HSPBP1: variants seen among roughly 807,000 people sequenced by gnomAD.
HSPBP1 encodes the protein HSPA (Hsp70) binding protein 1.
A neutral mutation model predicts 41.7 loss-of-function variants in HSPBP1; 31 were observed. That is an observed-to-expected ratio of 0.74 (90% CI 0.56 to 1.00). The LOEUF is 1.00. Ranked by LOEUF, HSPBP1 falls within the 50% of genes least tolerant of loss-of-function variation. The probability of loss-of-function intolerance (pLI) is 0.00; values close to 1 mark genes in which losing one functional copy is unlikely to be tolerated. For missense variants in HSPBP1, 439 were observed against 487.9 expected (o/e 0.90, Z 0.94); for synonymous variants, 199 against 214.4 (o/e 0.93, Z 0.63).
intron 2 of HSPBP1, 116 bp from the exon 3 acceptor site, chr19:55,277,962 A>C: frequency 2.3e-6 from 2 of 885,740 alleles, no homozygotes; most frequent in Non-Finnish European, 3.3e-6. Context: ...GTCAACAAAT[A>C]TCGGCTGGGA....
rs1308201338 is a variant in HSPBP1 at position 55,279,446 on chromosome 19, C to T, written c.163G>A (p.Ala55Thr). Residue 55 changes from alanine to threonine, a missense_variant, in exon 2 of 8, where the codon GCG becomes ACG. Physicochemically the swap from Ala to Thr is moderately conservative, Grantham distance 58 (BLOSUM62 0). Transcript: ENST00000433386. Reference sequence around the variant, plus strand: ...GGAGGGTCTGGCTCTTCAGAGCCCGCGGTGATGGCCATCTGCAGCAAGCCT... The same window carrying T: ...GGAGGGTCTGGCTCTTCAGAGCCCGTGGTGATGGCCATCTGCAGCAAGCCT... The part of the protein sequence containing the change: ...LQGLLQMAIT[A>T]GSEEPDPPPE... 1 of 1,604,910 alleles carries T rather than the reference C, an allele frequency of 6.2e-7. No homozygotes were observed. The highest frequency in any genetic ancestry group is 2.2e-5 in the East Asian group (1 of 44,818).
In HSPBP1 at chr19:55,270,323, C is replaced by T. The variant is rs574354558; in HGVS notation, c.641-4037G>A. ...CAGCAAAACTCTGCTAGCCCCGGGG[C>T]GAGCCATGGTGGAAGCCCATCTCTA... On this transcript the variant is annotated intron_variant, in intron 4 of 7. Transcript: ENST00000433386. The surrounding 1 kb of genome is among the most constrained non-coding windows in gnomAD (Gnocchi z 5.4). Among the ~76,000 whole-genome samples, 3 of 152,144 alleles carry T rather than the reference C, an allele frequency of 2.0e-5. No homozygotes were observed. The highest frequency in any genetic ancestry group is 2.9e-5 in the Non-Finnish European group (2 of 68,026).
intron 4 of HSPBP1, among the ~76,000 whole-genome samples, chr19:55,269,957 C>T (rs1234179958): frequency 1.3e-5 from 2 of 152,100 alleles, no homozygotes; most frequent in East Asian, 1.9e-4. Context: ...CCACAGAGGG[C>T]GAGCGAGTCC....
chr19:55,279,876 TG>T lies in HSPBP1; in HGVS notation c.-95+158del, dbSNP rs1330527263. ...AGCAACAGGCCCCACCCACTCTCCC[TG>T]GCAACAACCCCCCTTCCCCATCTCC... On this transcript the variant is annotated intron_variant, in intron 1 of 7. Transcript: ENST00000433386. 1.2e-5 allele frequency: 8 copies of T among 648,010 alleles called. 1 individual carries two copies. Among genetic ancestry groups the T allele is most frequent in the Non-Finnish European group, 2.1e-5 (8 of 384,114 alleles). The allele number at this position is 648,010 out of a possible 1,614,324, so 40.1% of individuals were successfully genotyped here. A position where few individuals can be genotyped will look rare whatever the true frequency, so the allele number is the denominator to read the frequency against.
At chr19:55,263,593 A>T (rs533700567) in intron 7 of HSPBP1, among the ~76,000 whole-genome samples, 2 of 152,346 alleles carry the variant, frequency 1.3e-5, no homozygotes, top group South Asian at 4.1e-4. Flanking sequence ...TCCATGCTAC[A>T]AAAAAGAGCC....
Position 55,268,814 on chromosome 19 carries a change from A to G in HSPBP1, c.641-2528T>C, listed in dbSNP as rs1030811567. 6.6e-6 allele frequency among the ~76,000 whole-genome samples: 1 copy of G among 152,114 alleles called. No individual in the cohort carries two copies. The highest frequency in any genetic ancestry group is 2.4e-5 in the African/African-American group (1 of 41,396). ...CTACCGAGTAGCCGAGATTACAGGC[A>G]TGCCCCACCATGCCTGGCTAATTTT... On this transcript the variant is annotated intron_variant, in intron 4 of 7. Transcript: ENST00000433386. This position sits in a 1 kb window ranked among gnomAD's most constrained non-coding sequence, Gnocchi z 4.5.
intron 3 of HSPBP1, among the ~76,000 whole-genome samples, chr19:55,276,747 T>C (rs1020949863): frequency 2.0e-5 from 3 of 151,676 alleles, no homozygotes; most frequent in Non-Finnish European, 4.4e-5. Context: ...AAAGGTAAGC[T>C]AGAGGGTGGC....
In HSPBP1 at chr19:55,279,413, G is replaced by A. The variant is rs1414483833; in HGVS notation, c.196C>T (p.Pro66Ser). ...CCATCCTTTACCTCCTCACTCATCG[G>A]TTCTGGAGGAGGGTCTGGCTCTTCA... ...GSEEPDPPPEPMSEERRQWLQ... is the reference protein window; with the variant it reads ...GSEEPDPPPESMSEERRQWLQ... The change falls in exon 2 of 8, where the codon CCG becomes TCG. Residue 66 changes from proline to serine, a missense_variant. Pro to Ser is a moderately conservative substitution (Grantham distance 74). Transcript: ENST00000433386. 1.3e-6 allele frequency: 2 copies of A among 1,597,290 alleles called. No homozygotes were observed. Among genetic ancestry groups the A allele is most frequent in the Non-Finnish European group, 1.7e-6 (2 of 1,175,958 alleles).
chr19:55,278,661 C>G (rs564170739), intron 2 of HSPBP1, among the ~76,000 whole-genome samples: 1 of 152,192 alleles, frequency 6.6e-6, no homozygotes, highest in East Asian at 1.9e-4. Flanking sequence ...CATCTGTAAT[C>G]TCAGCACTTT....
At chr19:55,263,599 G>A (rs1352316202) in intron 7 of HSPBP1, among the ~76,000 whole-genome samples, 1 of 152,204 alleles carries the variant, frequency 6.6e-6, no homozygotes, top group Non-Finnish European at 1.5e-5. Flanking sequence ...CTACAAAAAA[G>A]AGCCCATCCG....
chr19:55,265,453 T>G, intron 6 of HSPBP1, 64 bp from the exon 7 acceptor site: 1 of 1,235,160 alleles, frequency 8.1e-7, no homozygotes, highest in Non-Finnish European at 1.2e-6. Flanking sequence ...CCCAACCCTA[T>G]CGCCCGCCCC....
chr19:55,273,588 A>C (rs773122463), intron 4 of HSPBP1, among the ~76,000 whole-genome samples: 14 of 152,104 alleles, frequency 9.2e-5, no homozygotes, highest in Non-Finnish European at 2.1e-4. Context: ...ACTGCCCCAC[A>C]GATGTTGGTT....
In HSPBP1 at chr19:55,268,387, G is replaced by A. The variant is rs1448590056; in HGVS notation, c.641-2101C>T. On this transcript the variant is annotated intron_variant, in intron 4 of 7. Coordinates refer to ENST00000433386, the MANE Select transcript of HSPBP1 (RefSeq NM_012267.5). This position sits in a 1 kb window ranked among gnomAD's most constrained non-coding sequence, Gnocchi z 4.5. ...GGAGGTTGCAGTGAGCCGAGATTGCGCCATTACACTCCAGCCTGAGCAAAA... is the reference window on the plus strand; with the variant it reads ...GGAGGTTGCAGTGAGCCGAGATTGCACCATTACACTCCAGCCTGAGCAAAA... 6.6e-6 allele frequency among the ~76,000 whole-genome samples: 1 copy of A among 152,186 alleles called. No homozygotes were observed. Among genetic ancestry groups the A allele is most frequent in the South Asian group, 2.1e-4 (1 of 4,822 alleles).
Position 55,262,320 on chromosome 19 carries a change from G to A in HSPBP1, c.*288C>T. 5.6e-6 allele frequency: 7 copies of A among 1,242,322 alleles called. No homozygotes were observed. Among genetic ancestry groups the A allele is most frequent in the Non-Finnish European group, 7.1e-6 (7 of 979,488 alleles). The allele number at this position is 1,242,322 out of a possible 1,614,324, so 77.0% of individuals were successfully genotyped here. On this transcript the variant is annotated 3_prime_UTR_variant, in exon 8 of 8. Coordinates refer to ENST00000433386, the MANE Select transcript of HSPBP1 (RefSeq NM_012267.5). ...CCCGTCCCCCATGCACCCTCCAAAG[G>A]AGATGACAAAGGCGGCAGTGAAGGA...
chr19:55,263,188 A>G (rs954771596), intron 7 of HSPBP1, among the ~76,000 whole-genome samples: 7 of 152,256 alleles, frequency 4.6e-5, no homozygotes, highest in African/African-American at 1.7e-4. Context: ...CAATAAATAG[A>G]TAAGTGGGCA....
rs1270341389 is a variant in HSPBP1 at position 55,268,440 on chromosome 19, CAAAAAG to C, written c.641-2160_641-2155del. On this transcript the variant is annotated intron_variant, in intron 4 of 7. Coordinates refer to ENST00000433386, the MANE Select transcript of HSPBP1 (RefSeq NM_012267.5). The surrounding 1 kb of genome is among the most constrained non-coding windows in gnomAD (Gnocchi z 4.5). Reference sequence around the variant, plus strand: ...AGCGAAACTCCATCTCACACACACACAAAAAGAAAACCAAAAAAAGAAAAACACACA... The same window carrying C: ...AGCGAAACTCCATCTCACACACACACAAAACCAAAAAAAGAAAAACACACA... 6.6e-6 allele frequency among the ~76,000 whole-genome samples: 1 copy of C among 151,976 alleles called. No individual in the cohort carries two copies. Among genetic ancestry groups the C allele is most frequent in the Admixed American group, 6.6e-5 (1 of 15,238 alleles).
Position 55,277,790 on chromosome 19 carries a change from C to G in HSPBP1, c.267G>C (p.Glu89Asp), listed in dbSNP as rs1349099207. ...GGAGGCAGCTCTTCATCTGCTCCAC[C>G]TCCTCCCGCTGGCCTCGGAAGGCAG... is the stretch of plus-strand genomic sequence containing the variant. Reference protein sequence around the residue: ...MSAAFRGQREEVEQMKSCLRV... With the variant: ...MSAAFRGQREDVEQMKSCLRV... The change falls in exon 3 of 8, where the codon GAG (glutamate) becomes GAC (aspartate). Residue 89 changes from glutamate to aspartate, a missense_variant. Physicochemically the swap from Glu to Asp is conservative, Grantham distance 45. Coordinates refer to ENST00000433386, the MANE Select transcript of HSPBP1 (RefSeq NM_012267.5). The G allele has an allele frequency of 3.8e-6, 6 of 1,599,284 alleles. No individual in the cohort carries two copies. Among genetic ancestry groups the G allele is most frequent in the Non-Finnish European group, 5.1e-6 (6 of 1,171,136 alleles).
chr19:55,277,039 C>T (rs573511851), intron 3 of HSPBP1, among the ~76,000 whole-genome samples: 20 of 152,274 alleles, frequency 1.3e-4, no homozygotes, highest in Middle Eastern at 3.4e-3. Flanking sequence ...TCAATTGCTA[C>T]ACCACCCAAC....
Position 55,277,743 on chromosome 19 carries a change from G to T in HSPBP1, c.314C>A (p.Pro105His). The T allele has an allele frequency of 6.2e-7, 1 of 1,608,288 alleles. No individual in the cohort carries two copies. The highest frequency in any genetic ancestry group is 8.5e-7 in the Non-Finnish European group (1 of 1,177,708). The change falls in exon 3 of 8, where the codon CCC (proline) becomes CAC (histidine). Residue 105 changes from proline to histidine, a missense_variant. Physicochemically the swap from Pro to His is moderately conservative, Grantham distance 77. Coordinates refer to ENST00000433386, the MANE Select transcript of HSPBP1 (RefSeq NM_012267.5). ...CTGCTCGGCCTCCCCAGCAGTGGGG[G>T]GCATGGGCTGTGACAGCACTCGGAG... Reference protein sequence around the residue: ...SCLRVLSQPMPPTAGEAEQAA... With the variant: ...SCLRVLSQPMHPTAGEAEQAA...
Sources: allele counts gnomAD v4.1 joint callset (sites outside exome capture counted in the v4.1 genomes callset), GRCh38; gene constraint gnomAD v4.1.1; non-coding constraint Gnocchi (gnomAD v3.1); transcripts MANE v1.5; gene names NCBI Gene and HGNC (gene_info 2026-07-23, HGNC 2026-07-21).